MED29: variants seen among roughly 807,000 people sequenced by gnomAD.
The protein encoded by MED29 is mediator complex subunit 29, also known as mediator of RNA polymerase II transcription subunit 29.
A neutral mutation model predicts 22.0 loss-of-function variants in MED29; 14 were observed. That is an observed-to-expected ratio of 0.64 (90% CI 0.42 to 0.99). The LOEUF (loss-of-function observed/expected upper bound fraction) is 0.99, where lower values mean the gene tolerates loss of function less well. Among genes scored for constraint, MED29 ranks in the 50% least tolerant of loss-of-function variants. The pLI, the probability that MED29 is intolerant of heterozygous loss-of-function variation, is 0.00. For synonymous variants in MED29, 123 were observed against 107.8 expected (o/e 1.14, Z -0.87); for missense variants, 241 against 253.7 (o/e 0.95, Z 0.34).
chr19:39,396,333 G>A (rs1315048470), intron 3 of MED29, among the ~76,000 whole-genome samples: 1 of 151,544 alleles, frequency 6.6e-6, no homozygotes, highest in African/African-American at 2.4e-5. Context: ...CAGCTACTTG[G>A]ATGAGACAAG....
rs1022471100 is a variant in MED29, at chr19:39,397,978, G to A, written c.*279G>A. ...GGCCCTCCCCCATTCTTGCCTGGGTGTGGAGCCCTGGCTGTCCCCTCTCCC... is the reference window on the plus strand; with the variant it reads ...GGCCCTCCCCCATTCTTGCCTGGGTATGGAGCCCTGGCTGTCCCCTCTCCC... On this transcript the variant is annotated 3_prime_UTR_variant, in exon 4 of 4. Transcript: ENST00000315588. 1.8e-5 allele frequency: 10 copies of A among 563,576 alleles called. No homozygotes were observed. The highest frequency in any genetic ancestry group is 1.7e-4 in the African/African-American group (9 of 53,458). 34.9% of individuals were successfully genotyped at this position (563,576 alleles called of 1,614,324 possible). A position where few individuals can be genotyped will look rare whatever the true frequency, so the allele number is the denominator to read the frequency against.
At chr19:39,397,067 A>T (rs1279684092) in intron 3 of MED29, among the ~76,000 whole-genome samples, 2 of 152,064 alleles carry the variant, frequency 1.3e-5, no homozygotes, top group African/African-American at 4.8e-5. Flanking sequence ...GCAGCCAGAG[A>T]AGCAGGCAGA....
intron 1 of MED29, 142 bp downstream of exon 1, chr19:39,391,780 TC>T (rs1188877530): frequency 2.9e-6 from 3 of 1,031,660 alleles, no homozygotes; most frequent in Non-Finnish European, 4.1e-6. Context: ...ACGCCTGTGT[TC>T]CCAGCACTTT....
chr19:39,391,450 GCGGCTTCCTCAGCTGCTGGTGTAT>G lies in MED29; in HGVS notation c.32_55del (p.Ala11_Ser18del), dbSNP rs1357381324. Reference sequence around the variant, plus strand: ...GGCTGCATCCCAGCAGCAAGCTTCAGCGGCTTCCTCAGCTGCTGGTGTATCGGGTCCTAGTTCGGCTGGCGGCCC... The same window carrying G: ...GGCTGCATCCCAGCAGCAAGCTTCAGCGGGTCCTAGTTCGGCTGGCGGCCC... On this transcript the variant is annotated inframe_deletion, in exon 1 of 4. Coordinates refer to ENST00000315588, the MANE Select transcript of MED29 (RefSeq NM_017592.4). 2 of 1,613,444 alleles carry G rather than the reference GCGGCTTCCTCAGCTGCTGGTGTAT, an allele frequency of 1.2e-6. No homozygotes were observed. The highest frequency in any genetic ancestry group is 1.7e-6 in the Non-Finnish European group (2 of 1,179,686).
At chr19:39,397,087 G>A (rs893297381) in intron 3 of MED29, among the ~76,000 whole-genome samples, 1 of 152,008 alleles carries the variant, frequency 6.6e-6, no homozygotes, top group South Asian at 2.1e-4. Context: ...AAAACCAGGG[G>A]TGAGATGCCA....
At chr19:39,396,580 G>T (rs977427100) in intron 3 of MED29, among the ~76,000 whole-genome samples, 1 of 152,074 alleles carries the variant, frequency 6.6e-6, no homozygotes, top group Non-Finnish European at 1.5e-5. Flanking sequence ...ACAAAAATTA[G>T]CCAGGCTTGG....
Position 39,397,665 on chromosome 19 carries a change from C to T in MED29, c.569C>T (p.Pro190Leu), listed in dbSNP as rs371710250. Residue 190 changes from proline (P) to leucine (L), a missense_variant, in exon 4 of 4, where the codon CCC becomes CTC. Transcript: ENST00000315588. The part of the protein sequence containing the change: ...DCANKVTGKT[P>L]APPAGPGGTL ...GCCAACAAGGTCACGGGCAAGACAC[C>T]CGCACCACCTGCTGGCCCTGGGGGC... The T allele has an allele frequency of 3.7e-6, 6 of 1,611,798 alleles. No individual in the cohort carries two copies. In the African/African-American group the frequency reaches 8.0e-5, roughly 22 times the overall value.
chr19:39,398,003 C>G lies in MED29; in HGVS notation c.*304C>G. 1.8e-6 allele frequency: 1 copy of G among 541,802 alleles called. No individual in the cohort carries two copies. The highest frequency in any genetic ancestry group is 4.8e-4 in the Middle Eastern group (1 of 2,100). 33.6% of individuals were successfully genotyped at this position (541,802 alleles called of 1,614,324 possible). A position where few individuals can be genotyped will look rare whatever the true frequency, so the allele number is the denominator to read the frequency against. ...GTGGAGCCCTGGCTGTCCCCTCTCCCTCAGTCCTTCCTGACTGTCTCCAGC... is the reference window on the plus strand; with the variant it reads ...GTGGAGCCCTGGCTGTCCCCTCTCCGTCAGTCCTTCCTGACTGTCTCCAGC... On this transcript the variant is annotated 3_prime_UTR_variant, in exon 4 of 4. Coordinates refer to ENST00000315588, the MANE Select transcript of MED29 (RefSeq NM_017592.4).
intron 3 of MED29, among the ~76,000 whole-genome samples, chr19:39,393,942 G>A (rs2078414230): frequency 6.6e-6 from 1 of 152,220 alleles, no homozygotes; most frequent in Admixed American, 6.5e-5. Context: ...GATCAGGGCT[G>A]GGATGGGGAA....
At position 39,397,575 on chromosome 19, in the gene MED29, A is replaced by G. The variant is rs2078435621; in HGVS notation, c.479A>G (p.Tyr160Cys). The stretch of plus-strand genomic sequence containing the variant: ...CCTGACAGCCTCCCCTACCCACAGT[A>G]CCTGGCGGTCATCAAAGCCCAGATT... Reference protein sequence around the residue: ...VQPDSLPYPQYLAVIKAQISC... With the variant: ...VQPDSLPYPQCLAVIKAQISC... Residue 160 changes from tyrosine (Y) to cysteine (C), a missense_variant, in exon 4 of 4, where the codon TAC (tyrosine) becomes TGC (cysteine). Coordinates refer to ENST00000315588, the MANE Select transcript of MED29 (RefSeq NM_017592.4). The G allele has an allele frequency of 1.2e-6, 2 of 1,613,658 alleles. No homozygotes were observed. Among genetic ancestry groups the G allele is most frequent in the African/African-American group, 1.3e-5 (1 of 74,918 alleles).
In MED29 at chr19:39,399,540, A is replaced by C. The variant is rs1168517339; in HGVS notation, c.*1841A>C. On this transcript the variant is annotated 3_prime_UTR_variant, in exon 4 of 4. Transcript: ENST00000315588. Reference sequence around the variant, plus strand: ...CAGGGCAAGACTCTGTCTCAAAAAAAATAAAAAACTGACCATCTAGTCCTT... The same window carrying C: ...CAGGGCAAGACTCTGTCTCAAAAAACATAAAAAACTGACCATCTAGTCCTT... 1 of 152,218 alleles carries C rather than the reference A, an allele frequency of 6.6e-6. No individual in the cohort carries two copies. The highest frequency in any genetic ancestry group is 2.4e-5 in the African/African-American group (1 of 41,434). The allele number at this position is 152,218 out of a possible 1,614,324, so 9.4% of individuals were successfully genotyped here. A position where few individuals can be genotyped will look rare whatever the true frequency, so the allele number is the denominator to read the frequency against.
At position 39,391,533 on chromosome 19, in the gene MED29, A is replaced by G. The variant is rs778727458; in HGVS notation, c.111A>G (p.Gln37=). 3 of 1,613,614 alleles carry G rather than the reference A, an allele frequency of 1.9e-6. No individual in the cohort carries two copies. Among genetic ancestry groups the G allele is most frequent in the Non-Finnish European group, 8.5e-7 (1 of 1,179,986 alleles). The part of the protein sequence containing the change: ...GPQQQPQPPA[Q]LVGPAQSGLL... ...AGCAGCAGCCGCAACCGCCAGCACA[A>G]CTGGTGGGCCCTGCCCAGAGCGGCC... The change falls in exon 1 of 4, where the codon CAA becomes CAG. Residue 37 remains glutamine (Q), a synonymous_variant. Transcript: ENST00000315588.
Position 39,397,629 on chromosome 19 carries a change from T to A in MED29, c.533T>A (p.Leu178Gln), listed in dbSNP as rs1217362787. ...ISCAKDIHTA[L>Q]LDCANKVTGK... The stretch of plus-strand genomic sequence containing the variant: ...TGTGCCAAGGACATTCACACCGCCC[T>A]GCTGGACTGTGCCAACAAGGTCACG... The change falls in exon 4 of 4, where the codon CTG becomes CAG. Residue 178 changes from leucine to glutamine, a missense_variant. Coordinates refer to ENST00000315588, the MANE Select transcript of MED29 (RefSeq NM_017592.4). 1 of 1,613,490 alleles carries A rather than the reference T, an allele frequency of 6.2e-7. No homozygotes were observed. The highest frequency in any genetic ancestry group is 1.7e-5 in the Admixed American group (1 of 60,016).
Position 39,392,512 on chromosome 19 carries a change from G to C in MED29, c.265G>C (p.Asp89His). 6.2e-7 allele frequency: 1 copy of C among 1,613,740 alleles called. No individual in the cohort carries two copies. Among genetic ancestry groups the C allele is most frequent in the Non-Finnish European group, 8.5e-7 (1 of 1,179,928 alleles). Residue 89 changes from aspartate (D) to histidine (H), a missense_variant, in exon 2 of 4, where the codon GAC becomes CAC. By Grantham distance (81) the Asp-to-His change is moderately conservative. Transcript: ENST00000315588. ...AQNLIQNTNI[D>H]NGQKSSDGPI... is the part of the protein sequence containing the mutation. ...AAACTTGATTCAGAACACTAACATC[G>C]ACAATGGACAGTGAGTGCAGCCCCC...
rs559526170 is a variant in MED29, at chr19:39,399,163, C to A, written c.*1464C>A. 2.6e-5 allele frequency: 4 copies of A among 152,364 alleles called. No homozygotes were observed. The highest frequency in any genetic ancestry group is 2.1e-4 in the South Asian group (1 of 4,834). 9.4% of individuals were successfully genotyped at this position (152,364 alleles called of 1,614,324 possible). A position where few individuals can be genotyped will look rare whatever the true frequency, so the allele number is the denominator to read the frequency against. ...AACTGATTATGGACTTTAATCACAT[C>A]TACAAAACACTTCCATGGCGACAGC... On this transcript the variant is annotated 3_prime_UTR_variant, in exon 4 of 4. Transcript: ENST00000315588.
chr19:39,396,349 C>G (rs1048675336), intron 3 of MED29, among the ~76,000 whole-genome samples: 2 of 150,722 alleles, frequency 1.3e-5, no homozygotes, highest in African/African-American at 4.9e-5. Context: ...ACAAGAGAAT[C>G]TCTTGAACCC....
chr19:39,397,707 G>C lies in MED29; in HGVS notation c.*8G>C, dbSNP rs374354967. On this transcript the variant is annotated 3_prime_UTR_variant, in exon 4 of 4. Coordinates refer to ENST00000315588, the MANE Select transcript of MED29 (RefSeq NM_017592.4). Reference sequence around the variant, plus strand: ...CCTGGGGGCACTCTGTGAAGTGGGGGACAGGGAGTGGGGCAGGCAGTGGTT... The same window carrying C: ...CCTGGGGGCACTCTGTGAAGTGGGGCACAGGGAGTGGGGCAGGCAGTGGTT... The C allele has an allele frequency of 3.1e-6, 5 of 1,604,408 alleles. No homozygotes were observed. In the South Asian group the frequency reaches 5.5e-5, roughly 18 times the overall value.
intron 3 of MED29, among the ~76,000 whole-genome samples, chr19:39,395,026 G>T (rs547217065): frequency 1.3e-5 from 2 of 151,984 alleles, no homozygotes; most frequent in East Asian, 3.9e-4. Context: ...GCTAATTTTT[G>T]TATTTTTTGT....
chr19:39,391,964 G>A (rs532081891), intron 1 of MED29, among the ~76,000 whole-genome samples: 1 of 152,312 alleles, frequency 6.6e-6, no homozygotes, highest in Admixed American at 6.5e-5. Flanking sequence ...GGCGGAGGTT[G>A]CAGTGAGCCG....
Sources: gnomAD v4.1 joint callset for allele counts (sites outside exome capture counted in the v4.1 genomes callset) on GRCh38, gnomAD v4.1.1 for gene constraint, MANE v1.5 for transcripts, NCBI Gene and HGNC (gene_info 2026-07-23, HGNC 2026-07-21) for gene names.